The following TMPRSS7 variants were observed in gnomAD, a reference collection of about 807,000 sequenced individuals.
TMPRSS7 encodes the protein transmembrane serine protease 7.
Under a neutral mutation model 95.6 loss-of-function variants are expected in TMPRSS7, and 81 were observed. That is an observed-to-expected ratio of 0.85 (90% confidence interval 0.71 to 1.02). The LOEUF is 1.02. TMPRSS7 is among the 50% of genes least tolerant of loss of function. The pLI is 0.00. For missense variants in TMPRSS7, 945 were observed against 955.2 expected (o/e 0.99, Z 0.14); for synonymous variants, 364 against 337.8 (o/e 1.08, Z -0.85).
At chr3:112,075,863 G>A (rs2073705750) in intron 15 of TMPRSS7, among the ~76,000 whole-genome samples, 1 of 152,104 alleles carries the variant, frequency 6.6e-6, no homozygotes. Context: ...TTCCAGCCAA[G>A]GGTAAGAGGA....
intron 13 of TMPRSS7, among the ~76,000 whole-genome samples, chr3:112,073,497 G>T (rs959874600): frequency 5.9e-5 from 9 of 152,122 alleles, no homozygotes; most frequent in Non-Finnish European, 1.3e-4. Context: ...CAGTGATGAT[G>T]AGCATTTTTT....
intron 10 of TMPRSS7, among the ~76,000 whole-genome samples, chr3:112,061,572 T>C (rs1015031835): frequency 2.0e-5 from 3 of 152,226 alleles, no homozygotes; most frequent in Non-Finnish European, 4.4e-5. Context: ...TCAATGGTAC[T>C]ATTATTGTTC....
rs996030573 is a variant in TMPRSS7, at chr3:112,045,887, C to T, written c.635C>T (p.Thr212Ile). 1.3e-6 allele frequency: 2 copies of T among 1,551,798 alleles called. No individual in the cohort carries two copies. The highest frequency in any genetic ancestry group is 2.7e-5 in the African/African-American group (2 of 73,026). Residue 212 changes from threonine to isoleucine, a missense_variant, in exon 5 of 18, where the codon ACC (threonine) becomes ATC (isoleucine). Thr to Ile is a moderately conservative substitution (Grantham distance 89). Coordinates refer to ENST00000452346, the Ensembl canonical transcript of TMPRSS7. ...ATCCAGACAAGCATCATAAACCGGA[C>T]CTCTGTGGGGAGCTTGCAGGGACTG... is the stretch of plus-strand genomic sequence containing the variant.
At chr3:112,049,958 G>A in exon 8 of TMPRSS7, 1 of 1,567,600 alleles carries the variant, frequency 6.4e-7, no homozygotes, top group Non-Finnish European at 8.7e-7. Context: ...CATATTTTGA[G>A]GTCATTCCAG....
chr3:112,057,010 T>A lies in TMPRSS7; in HGVS notation c.1204-15T>A. On this transcript the variant is annotated splice_polypyrimidine_tract_variant and intron_variant, in intron 9 of 17. Coordinates refer to ENST00000452346, the Ensembl canonical transcript of TMPRSS7. Reference sequence around the variant, plus strand: ...ATTGAAGCATTTTTTTCTGACTTAATGTTTATTTTCACAGACTTCTCTATC... The same window carrying A: ...ATTGAAGCATTTTTTTCTGACTTAAAGTTTATTTTCACAGACTTCTCTATC... 6.5e-7 allele frequency: 1 copy of A among 1,544,772 alleles called. No individual in the cohort carries two copies. The highest frequency in any genetic ancestry group is 8.9e-7 in the Non-Finnish European group (1 of 1,124,722).
At chr3:112,064,992 T>C (rs1362603550) in intron 12 of TMPRSS7, among the ~76,000 whole-genome samples, 3 of 152,222 alleles carry the variant, frequency 2.0e-5, no homozygotes, top group East Asian at 1.9e-4. Flanking sequence ...ATATGCTATA[T>C]CTAACAGTGA....
intron 13 of TMPRSS7, among the ~76,000 whole-genome samples, chr3:112,067,372 A>G (rs112712986): frequency 0.025 from 3,880 of 152,246 alleles, 163 homozygotes; most frequent in African/African-American, 0.087. Flanking sequence ...GTCAAATGGT[A>G]TTTGTAGTTC....
At chr3:112,075,588 A>G in intron 15 of TMPRSS7, 96 bp downstream of exon 15, 1 of 1,039,690 alleles carries the variant, frequency 9.6e-7, no homozygotes, top group Non-Finnish European at 1.3e-6. Flanking sequence ...TGTTGGGGAC[A>G]TTCAATCAAT....
intron 11 of TMPRSS7, among the ~76,000 whole-genome samples, chr3:112,062,829 G>A (rs1335814976): frequency 6.6e-6 from 1 of 152,106 alleles, no homozygotes; most frequent in Non-Finnish European, 1.5e-5. Context: ...AAAAGGGGAG[G>A]AAGGATTCAT....
At chr3:112,049,341 A>C (rs1339738033) in intron 7 of TMPRSS7, among the ~76,000 whole-genome samples, 1 of 152,074 alleles carries the variant, frequency 6.6e-6, no homozygotes, top group Non-Finnish European at 1.5e-5. Context: ...TTTGTGTTTC[A>C]TTCCTTTGTT....
intron 9 of TMPRSS7, among the ~76,000 whole-genome samples, chr3:112,051,563 CTAT>C (rs2073351539): frequency 1.5e-5 from 2 of 133,616 alleles, no homozygotes; most frequent in Admixed American, 7.5e-5. Flanking sequence ...ATCTATCTAT[CTAT>C]GTATCTATCT....
chr3:112,041,576 T>TGA (rs2073209311), intron 2 of TMPRSS7, among the ~76,000 whole-genome samples: 2 of 152,114 alleles, frequency 1.3e-5, no homozygotes, highest in Admixed American at 6.5e-5. Context: ...AAATTACCAT[T>TGA]TATTCCTTCA....
chr3:112,065,379 A>G (rs1447918235), intron 12 of TMPRSS7, among the ~76,000 whole-genome samples: 1 of 152,130 alleles, frequency 6.6e-6, no homozygotes, highest in Non-Finnish European at 1.5e-5. Flanking sequence ...CAAAACACAA[A>G]ATTTGTCTTA....
intron 2 of TMPRSS7, among the ~76,000 whole-genome samples, chr3:112,040,017 A>G (rs1421298326): frequency 6.6e-6 from 1 of 152,070 alleles, no homozygotes; most frequent in Non-Finnish European, 1.5e-5. Flanking sequence ...TGAATTGGAG[A>G]GTTGCTTGGT....
intron 2 of TMPRSS7, among the ~76,000 whole-genome samples, chr3:112,041,466 C>G (rs1338577405): frequency 1.3e-5 from 2 of 152,210 alleles, no homozygotes; most frequent in African/African-American, 4.8e-5. Context: ...CTTTCTCTCC[C>G]CCTCTACCCA....
At chr3:112,044,224 T>C (rs1053769810) in intron 3 of TMPRSS7, 31 bp from the exon 4 acceptor site, 8 of 1,465,656 alleles carry the variant, frequency 5.5e-6, no homozygotes, top group Non-Finnish European at 7.5e-6. Context: ...AAGTATGAAA[T>C]ACTTCAGATA....
In TMPRSS7 at chr3:112,044,336, C is replaced by A; in HGVS notation, c.497+14C>A. 6.5e-7 allele frequency: 1 copy of A among 1,547,774 alleles called. No homozygotes were observed. The highest frequency in any genetic ancestry group is 8.7e-7 in the Non-Finnish European group (1 of 1,143,776). ...TGCAGATGTCAGGTAATGCATGTCC[C>A]TTGTTTTGAGATTTCTGTGTTCATT... On this transcript the variant is annotated intron_variant, in intron 4 of 17. Coordinates refer to ENST00000452346, the Ensembl canonical transcript of TMPRSS7.
At chr3:112,077,389 T>C (rs888923204) in intron 16 of TMPRSS7, among the ~76,000 whole-genome samples, 2 of 152,198 alleles carry the variant, frequency 1.3e-5, no homozygotes, top group African/African-American at 2.4e-5. Context: ...AAGGCAGGAT[T>C]GACTAGATAG....
rs1310789757 is a variant in TMPRSS7 at position 112,081,001 on chromosome 3, G to T, written c.2449G>T (p.Gly817Ter). ...CATTGTTAGCTGGGGACATGGAAGT[G>T]GACGACCAAACTTTCCTGGTGTTTA... The change falls in exon 18 of 18, where the codon GGA becomes TGA. Residue 817 changes from glycine to a stop codon, truncating the protein, a stop_gained. Coordinates refer to ENST00000452346, the Ensembl canonical transcript of TMPRSS7. LOFTEE classifies it high-confidence loss of function. 2 of 1,613,646 alleles carry T rather than the reference G, an allele frequency of 1.2e-6. No homozygotes were observed. The highest frequency in any genetic ancestry group is 1.7e-6 in the Non-Finnish European group (2 of 1,179,858).
Sources: allele counts gnomAD v4.1 joint callset (sites outside exome capture counted in the v4.1 genomes callset), GRCh38; gene constraint gnomAD v4.1.1; transcripts MANE v1.5; gene names NCBI Gene and HGNC (gene_info 2026-07-23, HGNC 2026-07-21).